Variants in SAMMSON observed in about 807,000 individuals in gnomAD.
The protein encoded by SAMMSON is long intergenic non-protein coding RNA 1212.
At chr3:70,291,405 G>A (rs764052206) in intron 7 of SAMMSON, among the ~76,000 whole-genome samples, 8 of 151,934 alleles carry the variant, frequency 5.3e-5, no homozygotes, top group South Asian at 2.1e-4. Flanking sequence ...CAAATATATC[G>A]TATTACTAAT....
intron 4 of SAMMSON, among the ~76,000 whole-genome samples, chr3:70,114,264 A>G (rs973024754): frequency 6.6e-6 from 1 of 152,132 alleles, no homozygotes; most frequent in Non-Finnish European, 1.5e-5. Context: ...ATCTTACTCT[A>G]TGTTTTGTGG....
chr3:70,124,885 G>T (rs2067450179), intron 4 of SAMMSON, among the ~76,000 whole-genome samples: 1 of 150,506 alleles, frequency 6.6e-6, no homozygotes, highest in Admixed American at 6.6e-5. Context: ...TTTGAGGAAG[G>T]TCATTAAAAT....
chr3:70,291,705 C>G (rs1222122260), intron 7 of SAMMSON: 4 of 152,210 alleles, frequency 2.6e-5, no homozygotes, highest in African/African-American at 7.2e-5. Context: ...CAACACAAAA[C>G]TCCTGTGAGT....
intron 4 of SAMMSON, among the ~76,000 whole-genome samples, chr3:70,158,719 A>T (rs1576138660): frequency 6.6e-6 from 1 of 152,124 alleles, no homozygotes; most frequent in Non-Finnish European, 1.5e-5. Flanking sequence ...AGTTTAGGAG[A>T]TGGTTGAAAA....
chr3:70,264,742 G>A (rs1196481798), intron 6 of SAMMSON, among the ~76,000 whole-genome samples: 2 of 152,200 alleles, frequency 1.3e-5, no homozygotes, highest in African/African-American at 4.8e-5. Context: ...ATTAAACAGG[G>A]AATAATAGCA....
intron 7 of SAMMSON, among the ~76,000 whole-genome samples, chr3:70,337,162 T>C (rs1233295473): frequency 7.0e-5 from 4 of 57,082 alleles, no homozygotes; most frequent in Non-Finnish European, 1.7e-4. Context: ...TAATAATATC[T>C]AACTTAATAT....
chr3:70,336,249 T>A (rs1702659267), intron 7 of SAMMSON, among the ~76,000 whole-genome samples: 1 of 152,032 alleles, frequency 6.6e-6, no homozygotes, highest in Non-Finnish European at 1.5e-5. Flanking sequence ...TGTTAAGTTC[T>A]ATGAAAGAGA....
chr3:70,184,081 T>C (rs1341506384), intron 4 of SAMMSON: 1 of 152,194 alleles, frequency 6.6e-6, no homozygotes, highest in African/African-American at 2.4e-5. Context: ...TTTGGGTCAT[T>C]TGATTTTCTC....
chr3:70,119,800 A>G (rs2067425449), intron 4 of SAMMSON, among the ~76,000 whole-genome samples: 1 of 152,170 alleles, frequency 6.6e-6, no homozygotes, highest in Non-Finnish European at 1.5e-5. Context: ...TTTTTGTGGT[A>G]AGAAAGCATG....
chr3:70,236,601 A>G (rs1314152585), intron 4 of SAMMSON, among the ~76,000 whole-genome samples: 1 of 151,902 alleles, frequency 6.6e-6, no homozygotes, highest in Non-Finnish European at 1.5e-5. Context: ...TTACTAGAAA[A>G]CTTTTTTTTT....
chr3:70,161,060 G>A (rs1175829382), intron 4 of SAMMSON, among the ~76,000 whole-genome samples: 1 of 151,662 alleles, frequency 6.6e-6, no homozygotes, highest in Non-Finnish European at 1.5e-5. Flanking sequence ...TCTAAGCTTT[G>A]GCTTTGTTTG....
intron 9 of SAMMSON, among the ~76,000 whole-genome samples, chr3:70,383,234 A>T (rs553268408): frequency 6.6e-6 from 1 of 152,028 alleles, no homozygotes; most frequent in Non-Finnish European, 1.5e-5. Flanking sequence ...AAAAAGACAT[A>T]TCACTCCTTC....
intron 9 of SAMMSON, among the ~76,000 whole-genome samples, chr3:70,381,394 A>G (rs1703066959): frequency 6.6e-6 from 1 of 152,206 alleles, no homozygotes; most frequent in Non-Finnish European, 1.5e-5. Context: ...ACAGATTCCA[A>G]AACGATGGGG....
intron 4 of SAMMSON, among the ~76,000 whole-genome samples, chr3:70,187,412 G>C (rs1481105397): frequency 6.9e-6 from 1 of 145,630 alleles, no homozygotes; most frequent in African/African-American, 2.6e-5. Context: ...GCATGAGACA[G>C]CTCTGGGACC....
chr3:70,035,898 A>C (rs2067083598), intron 3 of SAMMSON, among the ~76,000 whole-genome samples: 3 of 152,320 alleles, frequency 2.0e-5, no homozygotes, highest in African/African-American at 7.2e-5. Context: ...CTGACCAAAT[A>C]AATAAAGTAT....
intron 7 of SAMMSON, among the ~76,000 whole-genome samples, chr3:70,323,995 C>T (rs182949759): frequency 1.5e-3 from 222 of 152,156 alleles, no homozygotes; most frequent in African/African-American, 1.9e-3. Flanking sequence ...CTGTCCATGC[C>T]ATCCTCCACT....
intron 6 of SAMMSON, among the ~76,000 whole-genome samples, chr3:70,252,126 T>G (rs960336035): frequency 7.2e-5 from 11 of 152,144 alleles, no homozygotes; most frequent in African/African-American, 2.7e-4. Context: ...CTCATATAGA[T>G]CTGAAAAGTT....
chr3:70,426,264 G>A (rs541127786), intron 2 of SAMMSON, among the ~76,000 whole-genome samples: 200 of 152,314 alleles, frequency 1.3e-3, no homozygotes, highest in Non-Finnish European at 2.6e-3. Flanking sequence ...CAAACCAAAT[G>A]TGACAGCTTG....
intron 7 of SAMMSON, among the ~76,000 whole-genome samples, chr3:70,336,469 T>TCC (rs1702661053): frequency 6.6e-6 from 1 of 152,008 alleles, no homozygotes; most frequent in Non-Finnish European, 1.5e-5. Flanking sequence ...AACACAGAGT[T>TCC]CCCCTTTCCC....
Sources: allele counts gnomAD v4.1 joint callset (sites outside exome capture counted in the v4.1 genomes callset), GRCh38; gene constraint gnomAD v4.1.1; transcripts MANE v1.5; gene names NCBI Gene and HGNC (gene_info 2026-07-23, HGNC 2026-07-21).